The following KCNMB4 variants were observed in gnomAD, a reference collection of about 807,000 sequenced individuals.
KCNMB4 encodes the protein calcium-activated potassium channel subunit beta-4.
KCNMB4 carries 3 observed loss-of-function variants against 20.7 expected under a neutral mutation model. That is an observed-to-expected ratio of 0.14 (90% CI 0.07 to 0.37). KCNMB4 has a LOEUF of 0.37. Ranked by LOEUF, KCNMB4 falls within the 10% of genes least tolerant of loss-of-function variation. KCNMB4 has a pLI of 1.00. For missense variants in KCNMB4, 168 were observed against 265.9 expected (o/e 0.63, Z 2.56); for synonymous variants, 110 against 113.4 (o/e 0.97, Z 0.19).
intron 2 of KCNMB4, among the ~76,000 whole-genome samples, chr12:70,413,224 A>G (rs1178699050): frequency 6.6e-6 from 1 of 152,216 alleles, no homozygotes. Flanking sequence ...TACATTTGAG[A>G]GTCTGTTTTC....
intron 2 of KCNMB4, among the ~76,000 whole-genome samples, chr12:70,412,577 A>G (rs758105028): frequency 1.3e-5 from 2 of 152,250 alleles, no homozygotes; most frequent in Non-Finnish European, 2.9e-5. Flanking sequence ...GCAAGCTCAA[A>G]AAAAGATTTA....
chr12:70,378,539 T>C (rs1883727857), intron 1 of KCNMB4, among the ~76,000 whole-genome samples: 1 of 152,284 alleles, frequency 6.6e-6, no homozygotes, highest in South Asian at 2.1e-4. Flanking sequence ...TTTTTTATTT[T>C]ATTTATTTAC....
At chr12:70,378,916 TAGC>T (rs1883736459) in intron 1 of KCNMB4, among the ~76,000 whole-genome samples, 1 of 152,186 alleles carries the variant, frequency 6.6e-6, no homozygotes, top group Non-Finnish European at 1.5e-5. Context: ...GATGTCATGT[TAGC>T]AGGCATGAAA....
chr12:70,371,502 A>G (rs888353064), intron 1 of KCNMB4, among the ~76,000 whole-genome samples: 1 of 152,218 alleles, frequency 6.6e-6, no homozygotes, highest in Non-Finnish European at 1.5e-5. Flanking sequence ...TTTGCGCTCT[A>G]GAGACATCCA....
chr12:70,392,784 A>G (rs1168471208), intron 1 of KCNMB4, among the ~76,000 whole-genome samples: 1 of 152,198 alleles, frequency 6.6e-6, no homozygotes, highest in Non-Finnish European at 1.5e-5. Context: ...TTGAAAAATG[A>G]GAACATAGGG....
At position 70,366,818 on chromosome 12, in the gene KCNMB4, C is replaced by A. The variant is rs748397922; in HGVS notation, c.84C>A (p.Gly28=). The stretch of plus-strand genomic sequence containing the variant: ...TCGGCTTGTTTCTCATCATCTCCGG[C>A]GTCGTGTCGCTCTTCATCTTCGGCT... ...IRLGLFLIIS[G]VVSLFIFGFC... Residue 28 remains glycine (G), a synonymous_variant, in exon 1 of 3, where the codon GGC becomes GGA. Coordinates refer to ENST00000258111, the MANE Select transcript of KCNMB4 (RefSeq NM_014505.6). 3 of 1,612,772 alleles carry A rather than the reference C, an allele frequency of 1.9e-6. No individual in the cohort carries two copies. The Admixed American group carries it at 5.0e-5, about 27-fold the overall frequency.
chr12:70,401,559 T>C (rs1593336615), intron 2 of KCNMB4, among the ~76,000 whole-genome samples: 1 of 152,166 alleles, frequency 6.6e-6, no homozygotes, highest in Non-Finnish European at 1.5e-5. Flanking sequence ...CTCAAACATC[T>C]TGGCATGGCC....
At chr12:70,394,449 C>T (rs188661012) in intron 1 of KCNMB4, among the ~76,000 whole-genome samples, 9 of 152,280 alleles carry the variant, frequency 5.9e-5, no homozygotes, top group African/African-American at 9.6e-5. Context: ...ATTTATTTAA[C>T]TCTGAATTCT....
At chr12:70,382,891 T>C (rs2136120519) in intron 1 of KCNMB4, among the ~76,000 whole-genome samples, 1 of 151,920 alleles carries the variant, frequency 6.6e-6, no homozygotes, top group Middle Eastern at 3.4e-3. Flanking sequence ...CCTGTGAACA[T>C]CATAGAGTGT....
At chr12:70,407,218 A>G (rs996727800) in intron 2 of KCNMB4, among the ~76,000 whole-genome samples, 1 of 152,112 alleles carries the variant, frequency 6.6e-6, no homozygotes, top group Non-Finnish European at 1.5e-5. Flanking sequence ...AGTTTATTAT[A>G]AAGGACACAA....
At chr12:70,424,322 A>G (rs1038796243) in intron 2 of KCNMB4, among the ~76,000 whole-genome samples, 3 of 152,064 alleles carry the variant, frequency 2.0e-5, no homozygotes, top group Non-Finnish European at 4.4e-5. Context: ...CTTGAAACCA[A>G]TGCTGGAGTT....
intron 2 of KCNMB4, among the ~76,000 whole-genome samples, chr12:70,415,995 A>G (rs935084970): frequency 1.3e-5 from 2 of 152,232 alleles, no homozygotes; most frequent in Non-Finnish European, 2.9e-5. Context: ...GAGTACCAAG[A>G]AAGTCTTTTA....
chr12:70,387,879 G>C (rs1019086964), intron 1 of KCNMB4, among the ~76,000 whole-genome samples: 2 of 152,042 alleles, frequency 1.3e-5, no homozygotes, highest in African/African-American at 4.8e-5. Flanking sequence ...TTATTGACTA[G>C]AGTCACCCTA....
chr12:70,401,111 C>T (rs545643087), intron 2 of KCNMB4, among the ~76,000 whole-genome samples: 15 of 152,276 alleles, frequency 9.9e-5, no homozygotes, highest in Non-Finnish European at 1.8e-4. Context: ...CTGCAGCCTG[C>T]ACCTCCCAGG....
intron 2 of KCNMB4, among the ~76,000 whole-genome samples, chr12:70,420,819 G>A (rs1869030460): frequency 6.6e-6 from 1 of 152,150 alleles, no homozygotes; most frequent in South Asian, 2.1e-4. Context: ...AGCACTTTGG[G>A]AGGCCGAGGC....
In KCNMB4 at chr12:70,386,607, T is replaced by A. The variant is rs554222964; in HGVS notation, c.337-13602T>A. Among the ~76,000 whole-genome samples, 96 of 151,546 alleles carry A rather than the reference T, an allele frequency of 6.3e-4. 1 individual carries two copies. The highest frequency in any genetic ancestry group is 2.2e-3 in the African/African-American group (91 of 41,442). ...GTTTGTTTGTTTGTTGTTTTTTTTT[T>A]TTTTAAGGAGATGGGGAAAGGTGCT... On this transcript the variant is annotated intron_variant, in intron 1 of 2. Transcript: ENST00000258111.
At chr12:70,428,294 A>G (rs994243316) in intron 2 of KCNMB4, among the ~76,000 whole-genome samples, 4 of 152,208 alleles carry the variant, frequency 2.6e-5, no homozygotes, top group Admixed American at 2.0e-4. Context: ...ACGCCCAGCC[A>G]TCTTAACCAT....
chr12:70,408,257 T>C (rs1868667864), intron 2 of KCNMB4, among the ~76,000 whole-genome samples: 1 of 152,058 alleles, frequency 6.6e-6, no homozygotes, highest in Non-Finnish European at 1.5e-5. Flanking sequence ...TGTTTGGAGG[T>C]GTGAAAAATG....
intron 1 of KCNMB4, among the ~76,000 whole-genome samples, chr12:70,396,972 G>T (rs377450697): frequency 6.2e-4 from 95 of 152,302 alleles, no homozygotes; most frequent in African/African-American, 2.2e-3. Flanking sequence ...AATCTAGGGA[G>T]GATCTGAGTT....
Sources: gnomAD v4.1 joint callset for allele counts (sites outside exome capture counted in the v4.1 genomes callset) on GRCh38, gnomAD v4.1.1 for gene constraint, MANE v1.5 for transcripts, NCBI Gene and HGNC (gene_info 2026-07-23, HGNC 2026-07-21) for gene names.